The following SLC4A4 variants were observed in gnomAD, a reference collection of about 807,000 sequenced individuals.
SLC4A4 encodes solute carrier family 4 member 4.
A neutral mutation model predicts 111.5 loss-of-function variants in SLC4A4; 27 were observed. That is an observed-to-expected ratio of 0.24 (90% CI 0.18 to 0.33). The LOEUF (loss-of-function observed/expected upper bound fraction) is 0.33, where lower values mean the gene tolerates loss of function less well. Ranked by LOEUF, SLC4A4 falls within the 10% of genes least tolerant of loss-of-function variation. SLC4A4 has a pLI of 1.00. For missense variants in SLC4A4, 909 were observed against 1,315.5 expected (o/e 0.69, Z 4.78); for synonymous variants, 443 against 463.4 (o/e 0.96, Z 0.57).
intron 18 of SLC4A4, among the ~76,000 whole-genome samples, chr4:71,538,629 G>T (rs1337007442): frequency 6.6e-6 from 1 of 152,066 alleles, no homozygotes; most frequent in African/African-American, 2.4e-5. Context: ...AGAGAAAGCT[G>T]AAACTGAGAG....
In SLC4A4 at chr4:71,437,546, C is replaced by G. The variant is rs893274441; in HGVS notation, c.808-3070C>G. 3 of 495,608 alleles carry G rather than the reference C, an allele frequency of 6.1e-6. No homozygotes were observed. In the Admixed American group the frequency reaches 6.2e-5, roughly 10 times the overall value. The allele number at this position is 495,608 out of a possible 1,614,324, so 30.7% of individuals were successfully genotyped here. ...GTGACACTGTAGTCTTTGCTGAAAACAATGCTTGGCATTTTTATGGAAGGG... is the reference window on the plus strand; with the variant it reads ...GTGACACTGTAGTCTTTGCTGAAAAGAATGCTTGGCATTTTTATGGAAGGG... On this transcript the variant is annotated intron_variant, in intron 7 of 25. Transcript: ENST00000264485.
intron 7 of SLC4A4, among the ~76,000 whole-genome samples, chr4:71,435,808 A>C (rs181583814): frequency 6.6e-6 from 1 of 152,256 alleles, no homozygotes; most frequent in African/African-American, 2.4e-5. Context: ...CGTGAAAAAA[A>C]GCTCATCATC....
intron 3 of SLC4A4, among the ~76,000 whole-genome samples, chr4:71,320,806 A>G (rs1163203873): frequency 6.6e-6 from 1 of 152,048 alleles, no homozygotes; most frequent in Non-Finnish European, 1.5e-5. Flanking sequence ...CACCCAGTTA[A>G]GGAATAGCCA....
intron 2 of SLC4A4, among the ~76,000 whole-genome samples, chr4:71,238,993 A>G (rs1204382597): frequency 6.6e-6 from 1 of 152,154 alleles, no homozygotes; most frequent in Non-Finnish European, 1.5e-5. Context: ...TTTTTTCCCA[A>G]GGATATGAGT....
intron 2 of SLC4A4, among the ~76,000 whole-genome samples, chr4:71,158,141 G>GTGTC (rs1449317425): frequency 1.7e-3 from 204 of 120,404 alleles, no homozygotes; most frequent in Admixed American, 6.0e-3. Flanking sequence ...GTGTGTGTGT[G>GTGTC]TCTCTCTCTC....
At position 71,176,697 on chromosome 4, in the gene SLC4A4, G is replaced by A. The variant is rs1263176065; in HGVS notation, c.-1-59879G>A. 5.9e-5 allele frequency among the ~76,000 whole-genome samples: 9 copies of A among 152,290 alleles called. No individual in the cohort carries two copies. In the East Asian group the frequency reaches 1.2e-3, roughly 20 times the overall value. On this transcript the variant is annotated intron_variant, in intron 2 of 26. Coordinates refer to the SLC4A4 transcript ENST00000649996. ...GACTATGTGAAAAGACCAAATCTAC[G>A]TCTGATTGGTGTACCTGAAAGTGAC...
At chr4:71,119,288 A>C (rs770263029) in intron 2 of SLC4A4, among the ~76,000 whole-genome samples, 16 of 152,208 alleles carry the variant, frequency 1.1e-4, no homozygotes, top group Admixed American at 2.0e-4. Context: ...TTGAGAAGTT[A>C]ACTGTCAGCC....
chr4:71,150,702 T>G (rs1261986693), intron 2 of SLC4A4, among the ~76,000 whole-genome samples: 3 of 152,148 alleles, frequency 2.0e-5, no homozygotes, highest in Non-Finnish European at 4.4e-5. Context: ...ATGGGAGAAG[T>G]GCAGGTGAGA....
Position 71,255,294 on chromosome 4 carries a change from G to A in SLC4A4, c.148G>A (p.Gly50Arg), listed in dbSNP as rs1721364669. The change falls in exon 3 of 26, where the codon GGG becomes AGG. Residue 50 changes from glycine to arginine, a missense_variant. By Grantham distance (125) the Gly-to-Arg change is moderately radical (BLOSUM62 -2). This residue lies in a region of SLC4A4 where 117 missense variants were observed against 154.2 expected (regional missense o/e 0.76). Transcript: ENST00000264485. ...RRRRRHKRKT[G>R]HKEKKEKERI... ...AAGGAGACGTCACAAGAGAAAGACAGGGCACAAAGAAAAGAAGGAAAAGGA... is the reference window on the plus strand; with the variant it reads ...AAGGAGACGTCACAAGAGAAAGACAAGGCACAAAGAAAAGAAGGAAAAGGA... 5 of 1,613,300 alleles carry A rather than the reference G, an allele frequency of 3.1e-6. No homozygotes were observed. Among genetic ancestry groups the A allele is most frequent in the Non-Finnish European group, 2.5e-6 (3 of 1,179,560 alleles).
intron 3 of SLC4A4, among the ~76,000 whole-genome samples, chr4:71,305,649 A>T (rs1208053073): frequency 2.6e-5 from 4 of 152,246 alleles, no homozygotes; most frequent in Non-Finnish European, 5.9e-5. Context: ...ATCTCAGAGC[A>T]TATTATTTCA....
At chr4:71,412,279 C>CT (rs1721423898) in intron 7 of SLC4A4, among the ~76,000 whole-genome samples, 1 of 152,106 alleles carries the variant, frequency 6.6e-6, no homozygotes, top group Non-Finnish European at 1.5e-5. Flanking sequence ...TTCAGAAATA[C>CT]TTGAGGAGAT....
chr4:71,387,477 T>C (rs980846869), intron 6 of SLC4A4, among the ~76,000 whole-genome samples: 1 of 152,176 alleles, frequency 6.6e-6, no homozygotes, highest in Non-Finnish European at 1.5e-5. Flanking sequence ...TTTGAAGTGG[T>C]ACCCTACTTC....
chr4:71,469,615 G>A (rs1045538819), intron 13 of SLC4A4, among the ~76,000 whole-genome samples: 1 of 151,704 alleles, frequency 6.6e-6, no homozygotes, highest in Non-Finnish European at 1.5e-5. Context: ...AAACTTAATT[G>A]CTGTTTAAAT....
intron 3 of SLC4A4, among the ~76,000 whole-genome samples, chr4:71,321,357 C>T (rs114355875): frequency 0.011 from 1,655 of 152,114 alleles, 30 homozygotes; most frequent in African/African-American, 0.035. Flanking sequence ...GGAAAAGCAT[C>T]AACATTTACT....
At position 71,142,761 on chromosome 4, in the gene SLC4A4, C is replaced by CTTT. The variant is rs34495804; in HGVS notation, c.-2+49991_-2+49993dup. 4.2e-3 allele frequency among the ~76,000 whole-genome samples: 327 copies of CTTT among 78,022 alleles called. 4 individuals are homozygous for CTTT. The highest frequency in any genetic ancestry group is 0.015 in the African/African-American group (307 of 21,082). 51.2% of individuals were successfully genotyped at this position (78,022 alleles called of 152,430 possible). On this transcript the variant is annotated intron_variant, in intron 2 of 26. Coordinates refer to the SLC4A4 transcript ENST00000649996. Reference sequence around the variant, plus strand: ...TCCAAAGGCACAAACTTTTCTCACTCTTTTTTTTTTTTTTTTTTTTTTTTA... The same window carrying CTTT: ...TCCAAAGGCACAAACTTTTCTCACTCTTTTTTTTTTTTTTTTTTTTTTTTTTTA...
chr4:71,095,567 T>A (rs1206657384), intron 2 of SLC4A4, among the ~76,000 whole-genome samples: 1 of 152,200 alleles, frequency 6.6e-6, no homozygotes, highest in Non-Finnish European at 1.5e-5. Flanking sequence ...CTGCATAGGT[T>A]CTGTTTAGAT....
intron 2 of SLC4A4, among the ~76,000 whole-genome samples, chr4:71,095,290 G>A (rs1426795440): frequency 6.6e-6 from 1 of 152,208 alleles, no homozygotes; most frequent in Non-Finnish European, 1.5e-5. Context: ...GCAGAGATGA[G>A]TTTCAGGAGG....
intron 5 of SLC4A4, among the ~76,000 whole-genome samples, chr4:71,356,555 G>A (rs6853716): frequency 0.99 from 151,316 of 152,332 alleles, 75,159 homozygotes; most frequent in Middle Eastern, 1. Flanking sequence ...TATTAAGTAC[G>A]TATAACATCA....
rs375769772 is a variant in SLC4A4 at position 71,088,085 on chromosome 4, T to G, written c.-64-4645T>G. Among the ~76,000 whole-genome samples the G allele has an allele frequency of 9.5e-3, 1,437 of 151,366 alleles. 21 individuals carry two copies. Among genetic ancestry groups the G allele is most frequent in the East Asian group, 0.032 (162 of 5,070 alleles). ...AAGGACTTGCTTTATGAATCTGGGT[T>G]CTCCTGTATTGGGTGCATATATATT... On this transcript the variant is annotated intron_variant, in intron 1 of 26. Coordinates refer to the SLC4A4 transcript ENST00000649996.
Sources: allele counts gnomAD v4.1 joint callset (sites outside exome capture counted in the v4.1 genomes callset), GRCh38; gene constraint gnomAD v4.1.1; regional missense constraint gnomAD v4.1.1; transcripts MANE v1.5; gene names NCBI Gene and HGNC (gene_info 2026-07-23, HGNC 2026-07-21).